The following ICA1 variants were observed in gnomAD, a reference collection of about 807,000 sequenced individuals.
ICA1 encodes 69 kDa islet cell autoantigen.
A neutral mutation model predicts 71.0 loss-of-function variants in ICA1; 40 were observed. The observed-to-expected ratio is 0.56, with a 90% CI of 0.44 to 0.73. The LOEUF is 0.73. Ranked by LOEUF, ICA1 falls within the 30% of genes least tolerant of loss-of-function variation. ICA1 has a pLI of 0.00. For synonymous variants in ICA1, 207 were observed against 209.5 expected (o/e 0.99, Z 0.10); for missense variants, 578 against 576.5 (o/e 1.00, Z -0.03).
At chr7:8,257,934 CT>C (rs1340299518) in intron 1 of ICA1, among the ~76,000 whole-genome samples, 1 of 152,152 alleles carries the variant, frequency 6.6e-6, no homozygotes, top group African/African-American at 2.4e-5. Flanking sequence ...TACTTGTTGA[CT>C]TTTGTACACA....
rs1039841898 is a variant in ICA1, at chr7:8,123,359, G to A, written c.1330+4514C>T. Reference sequence around the variant, plus strand: ...GGGAGAATCCAGGGAGACGACAGAGGAGGAAACTGAAGAGATGAAGGCGGA... The same window carrying A: ...GGGAGAATCCAGGGAGACGACAGAGAAGGAAACTGAAGAGATGAAGGCGGA... On this transcript the variant is annotated intron_variant, in intron 13 of 13. Coordinates refer to ENST00000402384, the MANE Select transcript of ICA1 (RefSeq NM_001136020.3). The surrounding 1 kb of genome is among the most constrained non-coding windows in gnomAD (Gnocchi z 4.1). 6.6e-6 allele frequency among the ~76,000 whole-genome samples: 1 copy of A among 152,146 alleles called. No individual in the cohort carries two copies. The highest frequency in any genetic ancestry group is 2.4e-5 in the African/African-American group (1 of 41,436).
In ICA1 at chr7:8,239,790, C is replaced by T. The variant is rs6978888; in HGVS notation, c.-79-3785G>A. Among the ~76,000 whole-genome samples, 383 of 152,342 alleles carry T rather than the reference C, an allele frequency of 2.5e-3. 2 individuals are homozygous for T. Among genetic ancestry groups the T allele is most frequent in the African/African-American group, 8.8e-3 (367 of 41,586 alleles). ...GGTCCCATGCCCATGAAGCCTTGCT[C>T]ACTGCTAGCACAGCAGTCTGAGATA... On this transcript the variant is annotated intron_variant, in intron 1 of 13. Transcript: ENST00000402384.
At chr7:8,251,841 T>G (rs1808308030) in intron 1 of ICA1, among the ~76,000 whole-genome samples, 1 of 152,142 alleles carries the variant, frequency 6.6e-6, no homozygotes, top group South Asian at 2.1e-4. Context: ...TAAAACAAAT[T>G]AAAAACAAAC....
intron 6 of ICA1, among the ~76,000 whole-genome samples, chr7:8,215,531 T>G (rs2128401552): frequency 6.6e-6 from 1 of 152,332 alleles, no homozygotes; most frequent in South Asian, 2.1e-4. Context: ...CACAGATGAC[T>G]GCACAAGACA....
rs916874949 is a variant in ICA1 at position 8,123,704 on chromosome 7, C to T, written c.1330+4169G>A. 2.0e-5 allele frequency among the ~76,000 whole-genome samples: 3 copies of T among 152,192 alleles called. No individual in the cohort carries two copies. The South Asian group carries it at 6.2e-4, about 31-fold the overall frequency. ...TAAATATCTCTATCCCTGTGTGCGA[C>T]CAGGATGCCCAGGCCAGGGTGTCAT... On this transcript the variant is annotated intron_variant, in intron 13 of 13. Coordinates refer to ENST00000402384, the MANE Select transcript of ICA1 (RefSeq NM_001136020.3). This position sits in a 1 kb window ranked among gnomAD's most constrained non-coding sequence, Gnocchi z 4.1.
chr7:8,155,369 A>C (rs1299449677), intron 8 of ICA1, among the ~76,000 whole-genome samples: 1 of 152,216 alleles, frequency 6.6e-6, no homozygotes, highest in East Asian at 1.9e-4. Context: ...ATGCTCTAAC[A>C]TAATCAGCTT....
chr7:8,236,094 A>T lies in ICA1; in HGVS notation c.-79-89T>A, dbSNP rs1801762755. 1.9e-5 allele frequency: 13 copies of T among 668,930 alleles called. No individual in the cohort carries two copies. The South Asian group carries it at 2.5e-4, about 13-fold the overall frequency. The allele number at this position is 668,930 out of a possible 1,614,324, so 41.4% of individuals were successfully genotyped here. On this transcript the variant is annotated intron_variant, in intron 1 of 13. Coordinates refer to ENST00000402384, the MANE Select transcript of ICA1 (RefSeq NM_001136020.3). ...CACATAAAAGCCTTCAACCTAAGCCATTTCTAGCTGTATTTTAGGGTCTAA... is the reference window on the plus strand; with the variant it reads ...CACATAAAAGCCTTCAACCTAAGCCTTTTCTAGCTGTATTTTAGGGTCTAA...
intron 6 of ICA1, among the ~76,000 whole-genome samples, chr7:8,208,762 G>A (rs75585029): frequency 1.3e-5 from 2 of 152,210 alleles, no homozygotes; most frequent in African/African-American, 4.8e-5. Context: ...ACCAAAAAGA[G>A]ACAGAGGCCA....
chr7:8,191,826 G>A (rs953553367), intron 6 of ICA1, among the ~76,000 whole-genome samples: 3 of 151,442 alleles, frequency 2.0e-5, no homozygotes, highest in African/African-American at 7.3e-5. Flanking sequence ...TTCTTAATTT[G>A]AACATTATAA....
chr7:8,228,876 C>A (rs558793339), intron 3 of ICA1, among the ~76,000 whole-genome samples: 5 of 152,256 alleles, frequency 3.3e-5, no homozygotes, highest in African/African-American at 1.2e-4. Context: ...TATTGGAATT[C>A]ATCATCTCTG....
chr7:8,116,792 C>A (rs1784932126), intron 13 of ICA1, among the ~76,000 whole-genome samples: 1 of 152,194 alleles, frequency 6.6e-6, no homozygotes. Flanking sequence ...TTCTACACAG[C>A]TAATTTAAAT....
rs138064847 is a variant in ICA1 at position 8,158,583 on chromosome 7, C to A, written c.649G>T (p.Asp217Tyr). The A allele has an allele frequency of 6.2e-6, 10 of 1,614,090 alleles. No individual in the cohort carries two copies. The highest frequency in any genetic ancestry group is 8.5e-6 in the Non-Finnish European group (10 of 1,179,984). Residue 217 changes from aspartate to tyrosine, a missense_variant, in exon 7 of 14, where the codon GAT becomes TAT. Asp to Tyr is a radical substitution (Grantham distance 160). Transcript: ENST00000402384. ...TTGCATCTGCTCGCTCCAAGAAGAT[C>A]CACTTTTTGACAAACATCCATCTTC... ...KLKMDVCQKV[D>Y]LLGASRCNLL...
At chr7:8,259,519 C>T (rs912251429) in intron 1 of ICA1, among the ~76,000 whole-genome samples, 2 of 152,302 alleles carry the variant, frequency 1.3e-5, no homozygotes, top group South Asian at 2.1e-4. Context: ...TTTTTAGATA[C>T]GGATAGCATA....
At position 8,232,619 on chromosome 7, in the gene ICA1, A is replaced by G; in HGVS notation, c.154T>C (p.Ser52Pro). The change falls in exon 3 of 14, where the codon TCT becomes CCT. Residue 52 changes from serine (S) to proline (P), a missense_variant. Transcript: ENST00000402384. ...GKKEDEHVVA[S>P]DADLDAKLEL... ...AGCTTGGCATCCAGGTCCGCGTCAG[A>G]GGCAACAACATGTTCATCTTCCTTC... is the stretch of plus-strand genomic sequence containing the variant. The G allele has an allele frequency of 6.2e-7, 1 of 1,612,852 alleles. No homozygotes were observed. Among genetic ancestry groups the G allele is most frequent in the Non-Finnish European group, 8.5e-7 (1 of 1,179,432 alleles).
intron 6 of ICA1, among the ~76,000 whole-genome samples, chr7:8,183,098 G>C (rs1562884567): frequency 6.6e-6 from 1 of 152,186 alleles, no homozygotes; most frequent in Admixed American, 6.5e-5. Flanking sequence ...AGAGAAGAAA[G>C]TTACAACTAA....
At chr7:8,245,842 A>G (rs1805796529) in intron 1 of ICA1, among the ~76,000 whole-genome samples, 1 of 152,228 alleles carries the variant, frequency 6.6e-6, no homozygotes, top group African/African-American at 2.4e-5. Flanking sequence ...ATTGAACAGT[A>G]CAAGTTTCGC....
chr7:8,161,163 G>T (rs749411437), intron 6 of ICA1, among the ~76,000 whole-genome samples: 13 of 152,308 alleles, frequency 8.5e-5, no homozygotes, highest in Middle Eastern at 6.8e-3. Flanking sequence ...AGGAACTAGG[G>T]TGTCTATAAA....
intron 12 of ICA1, 58 bp downstream of exon 12, chr7:8,138,782 A>C: frequency 7.5e-7 from 1 of 1,329,888 alleles, no homozygotes. Context: ...CTTACATGTA[A>C]AAGAGTAATT....
chr7:8,207,880 T>C (rs754140441), intron 6 of ICA1, among the ~76,000 whole-genome samples: 110 of 152,322 alleles, frequency 7.2e-4, no homozygotes, highest in Non-Finnish European at 1.3e-3. Context: ...AACACTAAAA[T>C]ATAGATAGAC....
Sources: allele counts gnomAD v4.1 joint callset (sites outside exome capture counted in the v4.1 genomes callset), GRCh38; gene constraint gnomAD v4.1.1; non-coding constraint Gnocchi (gnomAD v3.1); transcripts MANE v1.5; gene names NCBI Gene and HGNC (gene_info 2026-07-23, HGNC 2026-07-21).